Variants in KCNJ14 observed in about 807,000 individuals in gnomAD.
The protein encoded by KCNJ14 is ATP-sensitive inward rectifier potassium channel 14.
In KCNJ14, 18 loss-of-function variants were observed where a neutral mutation model predicts 24.5. That is an observed-to-expected ratio of 0.74 (90% confidence interval 0.51 to 1.09). The LOEUF (loss-of-function observed/expected upper bound fraction) is 1.09, where lower values mean the gene tolerates loss of function less well. Among genes scored for constraint, KCNJ14 ranks in the 50% least tolerant of loss-of-function variants. The pLI, the probability that KCNJ14 is intolerant of heterozygous loss-of-function variation, is 0.00. For missense variants in KCNJ14, 633 were observed against 623.0 expected (o/e 1.02, Z -0.17); for synonymous variants, 288 against 270.8 (o/e 1.06, Z -0.63).
Position 48,462,362 on chromosome 19 carries a change from T to C in KCNJ14, c.638T>C (p.Leu213Pro). The part of the protein sequence containing the change: ...NAVVALRDHR[L>P]CLMWRVGNLR... ...GTCGTGGCGCTGCGCGACCACCGCCTCTGCCTCATGTGGCGCGTCGGCAAC... is the reference window on the plus strand; with the variant it reads ...GTCGTGGCGCTGCGCGACCACCGCCCCTGCCTCATGTGGCGCGTCGGCAAC... Residue 213 changes from leucine to proline, a missense_variant, in exon 2 of 3, where the codon CTC becomes CCC. Transcript: ENST00000342291. The surrounding 1 kb of genome is among the most constrained non-coding windows in gnomAD (Gnocchi z 4.9). 6 of 1,540,396 alleles carry C rather than the reference T, an allele frequency of 3.9e-6. No homozygotes were observed. Among genetic ancestry groups the C allele is most frequent in the Admixed American group, 1.9e-5 (1 of 51,590 alleles).
rs1971613403 is a variant in KCNJ14, at chr19:48,462,508, C to G, written c.714+70C>G. On this transcript the variant is annotated intron_variant, in intron 2 of 2. Coordinates refer to ENST00000342291, the MANE Select transcript of KCNJ14 (RefSeq NM_013348.4). The surrounding 1 kb of genome is among the most constrained non-coding windows in gnomAD (Gnocchi z 4.9). Reference sequence around the variant, plus strand: ...ATTGTGGGAGATGTAGGCCCGAGGGCGAGGGGCGTGCGGTCCTGGAGGGGG... The same window carrying G: ...ATTGTGGGAGATGTAGGCCCGAGGGGGAGGGGCGTGCGGTCCTGGAGGGGG... 2 of 1,233,728 alleles carry G rather than the reference C, an allele frequency of 1.6e-6. No homozygotes were observed. Among genetic ancestry groups the G allele is most frequent in the Admixed American group, 2.9e-5 (1 of 34,802 alleles). The allele number at this position is 1,233,728 out of a possible 1,614,324, so 76.4% of individuals were successfully genotyped here.
At chr19:48,460,247 T>A (rs1971580343) in intron 1 of KCNJ14, among the ~76,000 whole-genome samples, 1 of 149,762 alleles carries the variant, frequency 6.7e-6, no homozygotes, top group African/African-American at 2.5e-5. Flanking sequence ...AAGTTTTATT[T>A]ATTTATTTTT....
At position 48,464,213 on chromosome 19, in the gene KCNJ14, G is replaced by A. The variant is rs762933666; in HGVS notation, c.747G>A (p.Pro249=). Residue 249 remains proline, a synonymous_variant, in exon 3 of 3, where the codon CCG becomes CCA. Coordinates refer to ENST00000342291, the MANE Select transcript of KCNJ14 (RefSeq NM_013348.4). ...PRVTPEGEYI[P]LDHQDVDVGF... is the part of the protein sequence containing the mutation. ...TGACCCCAGAGGGTGAGTACATCCCGCTGGACCACCAGGATGTGGATGTGG... is the reference window on the plus strand; with the variant it reads ...TGACCCCAGAGGGTGAGTACATCCCACTGGACCACCAGGATGTGGATGTGG... 26 of 1,613,838 alleles carry A rather than the reference G, an allele frequency of 1.6e-5. No individual in the cohort carries two copies. Among genetic ancestry groups the A allele is most frequent in the Non-Finnish European group, 1.9e-5 (22 of 1,179,942 alleles).
intron 1 of KCNJ14, chr19:48,461,316 C>G (rs915913331): frequency 1.4e-5 from 2 of 145,574 alleles, no homozygotes; most frequent in African/African-American, 5.2e-5. Flanking sequence ...AGCCTGGCGA[C>G]AAAGCACGAC....
In KCNJ14 at chr19:48,462,833, C is replaced by A. The variant is rs975870619; in HGVS notation, c.714+395C>A. On this transcript the variant is annotated intron_variant, in intron 2 of 2. Transcript: ENST00000342291. This position sits in a 1 kb window ranked among gnomAD's most constrained non-coding sequence, Gnocchi z 4.9. ...TTGCGAGGGGGTGGTGGAGGGCCTG[C>A]GTGACCGTTCTATTACTCGGGTGTA... Among the ~76,000 whole-genome samples the A allele has an allele frequency of 1.3e-5, 2 of 152,074 alleles. No individual in the cohort carries two copies. Among genetic ancestry groups the A allele is most frequent in the Non-Finnish European group, 2.9e-5 (2 of 68,004 alleles).
At chr19:48,457,155 T>C (rs1415912095) in intron 1 of KCNJ14, 5 of 152,148 alleles carry the variant, frequency 3.3e-5, no homozygotes, top group Admixed American at 3.3e-4. Context: ...ATACTTTTTG[T>C]TTTTAAGATA....
At position 48,462,077 on chromosome 19, in the gene KCNJ14, T is replaced by A; in HGVS notation, c.353T>A (p.Leu118Gln). ...FWLIASLHGDLAAPPPPAPCF... is the reference protein window; with the variant it reads ...FWLIASLHGDQAAPPPPAPCF... The stretch of plus-strand genomic sequence containing the variant: ...CTCATTGCCTCGCTGCACGGCGACC[T>A]GGCCGCCCCGCCACCGCCCGCGCCC... The change falls in exon 2 of 3, where the codon CTG (leucine) becomes CAG (glutamine). Residue 118 changes from leucine (L) to glutamine (Q), a missense_variant. Leu to Gln is a moderately radical substitution (Grantham distance 113). Coordinates refer to ENST00000342291, the MANE Select transcript of KCNJ14 (RefSeq NM_013348.4). This position sits in a 1 kb window ranked among gnomAD's most constrained non-coding sequence, Gnocchi z 4.9. The A allele has an allele frequency of 6.2e-7, 1 of 1,606,446 alleles. No individual in the cohort carries two copies.
chr19:48,461,965 T>C lies in KCNJ14; in HGVS notation c.241T>C (p.Cys81Arg), dbSNP rs185812463. The C allele has an allele frequency of 1.2e-6, 2 of 1,613,150 alleles. No individual in the cohort carries two copies. Among genetic ancestry groups the C allele is most frequent in the Non-Finnish European group, 8.5e-7 (1 of 1,179,674 alleles). ...ARYLSDLFTT[C>R]VDVRWRWMCL... ...CTACCTGAGCGACCTGTTCACCACA[T>C]GCGTGGACGTGCGCTGGCGCTGGAT... Residue 81 changes from cysteine (C) to arginine (R), a missense_variant, in exon 2 of 3, where the codon TGC becomes CGC. Transcript: ENST00000342291.
At position 48,461,676 on chromosome 19, in the gene KCNJ14, G is replaced by A. The variant is rs1971598857; in HGVS notation, c.-49G>A. ...TGCCGGTTTCTTGTCCCAGCAGGTTGGGGGCGCCTGCCCCCCACTAGGCCA... is the reference window on the plus strand; with the variant it reads ...TGCCGGTTTCTTGTCCCAGCAGGTTAGGGGCGCCTGCCCCCCACTAGGCCA... On this transcript the variant is annotated 5_prime_UTR_variant, in exon 2 of 3. Transcript: ENST00000342291. 5 of 1,212,738 alleles carry A rather than the reference G, an allele frequency of 4.1e-6. No homozygotes were observed. Among genetic ancestry groups the A allele is most frequent in the East Asian group, 5.9e-5 (2 of 34,124 alleles). 75.1% of individuals were successfully genotyped at this position (1,212,738 alleles called of 1,614,324 possible). A position where few individuals can be genotyped will look rare whatever the true frequency, so the allele number is the denominator to read the frequency against.
chr19:48,462,520 G>C lies in KCNJ14; in HGVS notation c.714+82G>C, dbSNP rs1343168526. On this transcript the variant is annotated intron_variant, in intron 2 of 2. Coordinates refer to ENST00000342291, the MANE Select transcript of KCNJ14 (RefSeq NM_013348.4). This position sits in a 1 kb window ranked among gnomAD's most constrained non-coding sequence, Gnocchi z 4.9. Reference sequence around the variant, plus strand: ...GTAGGCCCGAGGGCGAGGGGCGTGCGGTCCTGGAGGGGGCGTGGACTACAA... The same window carrying C: ...GTAGGCCCGAGGGCGAGGGGCGTGCCGTCCTGGAGGGGGCGTGGACTACAA... 3.7e-6 allele frequency: 4 copies of C among 1,070,420 alleles called. No homozygotes were observed. Among genetic ancestry groups the C allele is most frequent in the Non-Finnish European group, 5.2e-6 (4 of 769,852 alleles). The allele number at this position is 1,070,420 out of a possible 1,614,324, so 66.3% of individuals were successfully genotyped here. A position where few individuals can be genotyped will look rare whatever the true frequency, so the allele number is the denominator to read the frequency against.
In KCNJ14 at chr19:48,466,149, A is replaced by T. The variant is rs1410133012; in HGVS notation, c.*1372A>T. 6.8e-6 allele frequency: 1 copy of T among 147,956 alleles called. No homozygotes were observed. The highest frequency in any genetic ancestry group is 2.0e-4 in the East Asian group (1 of 5,076). The allele number at this position is 147,956 out of a possible 1,614,324, so 9.2% of individuals were successfully genotyped here. ...GGCTGGAGTGCAATGGCGTGATCTC[A>T]GCTCACTGCAACCTCCGCCTCCCGG... is the stretch of plus-strand genomic sequence containing the variant. On this transcript the variant is annotated 3_prime_UTR_variant, in exon 3 of 3. Coordinates refer to ENST00000342291, the MANE Select transcript of KCNJ14 (RefSeq NM_013348.4).
In KCNJ14 at chr19:48,464,794, C is replaced by T; in HGVS notation, c.*17C>T. The stretch of plus-strand genomic sequence containing the variant: ...CCTCCATGATGCAAACTGATGTCCC[C>T]TTCCCCGTGTATGCCCCCTTCCCCA... On this transcript the variant is annotated 3_prime_UTR_variant, in exon 3 of 3. Coordinates refer to ENST00000342291, the MANE Select transcript of KCNJ14 (RefSeq NM_013348.4). 6.4e-7 allele frequency: 1 copy of T among 1,565,524 alleles called. No homozygotes were observed. The highest frequency in any genetic ancestry group is 8.7e-7 in the Non-Finnish European group (1 of 1,149,660).
Position 48,464,748 on chromosome 19 carries a change from C to A in KCNJ14, c.1282C>A (p.Pro428Thr), listed in dbSNP as rs1285574058. 33 of 1,606,702 alleles carry A rather than the reference C, an allele frequency of 2.1e-5. No individual in the cohort carries two copies. Among genetic ancestry groups the A allele is most frequent in the Non-Finnish European group, 2.7e-5 (32 of 1,179,810 alleles). ...GGCTGCTAGCCCCCGAGTTCTCACA[C>A]CAACCCTGGCGCTGACCCTGCCTCC... ...DGAASPRVLT[P>T]TLALTLPP The change falls in exon 3 of 3, where the codon CCA becomes ACA. Residue 428 changes from proline to threonine, a missense_variant. Transcript: ENST00000342291.
chr19:48,459,750 C>T (rs1277386296), intron 1 of KCNJ14, among the ~76,000 whole-genome samples: 2 of 151,940 alleles, frequency 1.3e-5, no homozygotes, highest in East Asian at 2.0e-4. Context: ...TAGTTCTGGC[C>T]GGGTGCAGTG....
chr19:48,462,619 G>A lies in KCNJ14; in HGVS notation c.714+181G>A, dbSNP rs964551545. On this transcript the variant is annotated intron_variant, in intron 2 of 2. Transcript: ENST00000342291. This position sits in a 1 kb window ranked among gnomAD's most constrained non-coding sequence, Gnocchi z 4.9. ...GCTGGGGATGTAAACCCAACAGAAA[G>A]GTATGTGACCAGCTCTTCCTGGAGG... 2.0e-5 allele frequency among the ~76,000 whole-genome samples: 3 copies of A among 152,224 alleles called. No homozygotes were observed.
intron 1 of KCNJ14, among the ~76,000 whole-genome samples, chr19:48,459,316 A>G (rs1013016815): frequency 1.3e-5 from 2 of 151,524 alleles, no homozygotes; most frequent in African/African-American, 4.8e-5. Context: ...CTCTTTATAT[A>G]GTCTAGATAC....
Position 48,462,556 on chromosome 19 carries a change from C to T in KCNJ14, c.714+118C>T, listed in dbSNP as rs1484264535. 5.4e-6 allele frequency: 4 copies of T among 746,318 alleles called. No individual in the cohort carries two copies. The highest frequency in any genetic ancestry group is 3.8e-4 in the Middle Eastern group (1 of 2,606). The allele number at this position is 746,318 out of a possible 1,614,324, so 46.2% of individuals were successfully genotyped here. Reference sequence around the variant, plus strand: ...GGGCGTGGACTACAACTCCCAGCAGCCTCTTGGGCCTGGGGCCTGCGAATG... The same window carrying T: ...GGGCGTGGACTACAACTCCCAGCAGTCTCTTGGGCCTGGGGCCTGCGAATG... On this transcript the variant is annotated intron_variant, in intron 2 of 2. Transcript: ENST00000342291. The surrounding 1 kb of genome is among the most constrained non-coding windows in gnomAD (Gnocchi z 4.9).
intron 1 of KCNJ14, among the ~76,000 whole-genome samples, chr19:48,459,178 T>G (rs1737751778): frequency 6.9e-6 from 1 of 145,944 alleles, no homozygotes; most frequent in Admixed American, 7.0e-5. Flanking sequence ...AGGCGGAGCT[T>G]GCAGTGAGCC....
At position 48,455,748 on chromosome 19, in the gene KCNJ14, A is replaced by G. The variant is rs570697571; in HGVS notation, c.-166A>G. ...AAGAAAGGCTTAGGACCCAACCAGC[A>G]TTCCCCCTGGCACTGCGGGGGCCTG... On this transcript the variant is annotated 5_prime_UTR_variant, in exon 1 of 3. Transcript: ENST00000342291. The G allele has an allele frequency of 1.7e-3, 256 of 152,400 alleles. 2 individuals are homozygous for G. The highest frequency in any genetic ancestry group is 3.3e-3 in the Non-Finnish European group (222 of 68,104). 9.4% of individuals were successfully genotyped at this position (152,400 alleles called of 1,614,324 possible).
Sources: allele counts gnomAD v4.1 joint callset (sites outside exome capture counted in the v4.1 genomes callset), GRCh38; gene constraint gnomAD v4.1.1; non-coding constraint Gnocchi (gnomAD v3.1); transcripts MANE v1.5; gene names NCBI Gene and HGNC (gene_info 2026-07-23, HGNC 2026-07-21).